DISP2: variants seen among roughly 807,000 people sequenced by gnomAD.
DISP2 encodes the protein protein dispatched homolog 2.
A neutral mutation model predicts 95.5 loss-of-function variants in DISP2; 59 were observed. That is an observed-to-expected ratio of 0.62 (90% CI 0.50 to 0.77). The LOEUF (loss-of-function observed/expected upper bound fraction) is 0.77. Among genes scored for constraint, DISP2 ranks in the 30% least tolerant of loss-of-function variants. The pLI, the probability that DISP2 is intolerant of heterozygous loss-of-function variation, is 0.00. For synonymous variants in DISP2, 827 were observed against 815.0 expected (o/e 1.01, Z -0.25); for missense variants, 1,752 against 1,854.6 (o/e 0.94, Z 1.02).
chr15:40,364,017 G>A lies in DISP2; in HGVS notation c.449+63G>A. The stretch of plus-strand genomic sequence containing the variant: ...AAAATGCGGTGGGGCTTAAGAGTGG[G>A]GCAGACTGCCGGGGCTCTAGACTCC... On this transcript the variant is annotated intron_variant, in intron 2 of 7. Transcript: ENST00000267889. 11 of 1,506,672 alleles carry A rather than the reference G, an allele frequency of 7.3e-6. No individual in the cohort carries two copies. In the South Asian group the frequency reaches 1.2e-4, roughly 16 times the overall value. 93.3% of individuals were successfully genotyped at this position (1,506,672 alleles called of 1,614,324 possible). A position where few individuals can be genotyped will look rare whatever the true frequency, so the allele number is the denominator to read the frequency against.
chr15:40,360,522 G>T (rs1889390336), intron 1 of DISP2, among the ~76,000 whole-genome samples: 1 of 152,108 alleles, frequency 6.6e-6, no homozygotes, highest in African/African-American at 2.4e-5. Context: ...CCCTGAAGAG[G>T]AATAGTAGGA....
At position 40,369,562 on chromosome 15, in the gene DISP2, G is replaced by A. The variant is rs764360514; in HGVS notation, c.3450G>A (p.Gly1150=). ...GGEKAGRPRP[G]SVGGMPGSCS... is the part of the protein sequence containing the mutation. ...AGAAGGCAGGCCGCCCACGACCAGG[G>A]TCAGTGGGAGGGATGCCCGGGTCCT... The change falls in exon 8 of 8, where the codon GGG becomes GGA. Residue 1150 remains glycine (G), a synonymous_variant. Transcript: ENST00000267889. The A allele has an allele frequency of 5.6e-6, 9 of 1,612,384 alleles. No individual in the cohort carries two copies. The highest frequency in any genetic ancestry group is 7.6e-6 in the Non-Finnish European group (9 of 1,180,006).
At position 40,369,779 on chromosome 15, in the gene DISP2, G is replaced by A. The variant is rs1889601916; in HGVS notation, c.3667G>A (p.Ala1223Thr). 6.2e-7 allele frequency: 1 copy of A among 1,604,618 alleles called. No homozygotes were observed. Residue 1223 changes from alanine to threonine, a missense_variant, in exon 8 of 8, where the codon GCA becomes ACA. Transcript: ENST00000267889. Reference sequence around the variant, plus strand: ...AAGGGAGCTGCTGCTGGACCACCAGGCAGTCTTCAGCCAGTGCCCTGCCCT... The same window carrying A: ...AAGGGAGCTGCTGCTGGACCACCAGACAGTCTTCAGCCAGTGCCCTGCCCT... ...SPRELLLDHQ[A>T]VFSQCPALQT...
At chr15:40,359,262 G>A (rs1203272022) in intron 1 of DISP2, among the ~76,000 whole-genome samples, 1 of 152,202 alleles carries the variant, frequency 6.6e-6, no homozygotes, top group African/African-American at 2.4e-5. Context: ...TTCCTGCCTG[G>A]ACTGAAATAA....
In DISP2 at chr15:40,363,610, C is replaced by T. The variant is rs375408757; in HGVS notation, c.120-15C>T. The T allele has an allele frequency of 3.3e-6, 5 of 1,504,464 alleles. No homozygotes were observed. In the African/African-American group the frequency reaches 5.6e-5, roughly 17 times the overall value. The allele number at this position is 1,504,464 out of a possible 1,614,324, so 93.2% of individuals were successfully genotyped here. ...CATCCCCCACCCCAATCTTCCTTGT[C>T]TCCTCTCTTCCTAGCACCCAGACCA... On this transcript the variant is annotated splice_polypyrimidine_tract_variant and intron_variant, in intron 1 of 7. Transcript: ENST00000267889.
rs1454691256 is a variant in DISP2 at position 40,373,828 on chromosome 15, A to T, written c.*3510A>T. On this transcript the variant is annotated 3_prime_UTR_variant, in exon 8 of 8. Coordinates refer to ENST00000267889, the MANE Select transcript of DISP2 (RefSeq NM_033510.3). Reference sequence around the variant, plus strand: ...AAACCATCCTGGCTAACATGGTGAAACCCCGTCTCTACTAAAAATACAAAA... The same window carrying T: ...AAACCATCCTGGCTAACATGGTGAATCCCCGTCTCTACTAAAAATACAAAA... 1 of 150,706 alleles carries T rather than the reference A, an allele frequency of 6.6e-6. No individual in the cohort carries two copies. The highest frequency in any genetic ancestry group is 1.5e-5 in the Non-Finnish European group (1 of 67,764). The allele number at this position is 150,706 out of a possible 1,614,324, so 9.3% of individuals were successfully genotyped here.
chr15:40,370,455 C>A lies in DISP2; in HGVS notation c.*137C>A. 1 of 1,348,514 alleles carries A rather than the reference C, an allele frequency of 7.4e-7. No homozygotes were observed. Among genetic ancestry groups the A allele is most frequent in the Non-Finnish European group, 1.0e-6 (1 of 1,003,888 alleles). The allele number at this position is 1,348,514 out of a possible 1,614,324, so 83.5% of individuals were successfully genotyped here. ...TCACCCTCCAGCTGTGGATGTTAAA[C>A]CCTGCCAGATGTCCCAGCCTTGATC... On this transcript the variant is annotated 3_prime_UTR_variant, in exon 8 of 8. Transcript: ENST00000267889.
At position 40,364,113 on chromosome 15, in the gene DISP2, G is replaced by A. The variant is rs1889453500; in HGVS notation, c.450-113G>A. ...TTGGGAGTGGCAAAGCGCTAAAAGGGTTAATACCATGGGTTATCCCTCACC... is the reference window on the plus strand; with the variant it reads ...TTGGGAGTGGCAAAGCGCTAAAAGGATTAATACCATGGGTTATCCCTCACC... On this transcript the variant is annotated intron_variant, in intron 2 of 7. Transcript: ENST00000267889. 3.9e-6 allele frequency: 6 copies of A among 1,547,204 alleles called. No homozygotes were observed. The East Asian group carries it at 1.3e-4, about 35-fold the overall frequency.
chr15:40,377,590 C>G lies in DISP2; in HGVS notation c.*7272C>G, dbSNP rs1889748082. On this transcript the variant is annotated 3_prime_UTR_variant, in exon 8 of 8. Transcript: ENST00000267889. The stretch of plus-strand genomic sequence containing the variant: ...GAGAACCCAGGCAAAGCAAGTGACT[C>G]TGAGGTGAGGGGATAGCTGGGAGTG... 6.6e-6 allele frequency: 1 copy of G among 152,382 alleles called. No homozygotes were observed. The highest frequency in any genetic ancestry group is 1.5e-5 in the Non-Finnish European group (1 of 68,186). 9.4% of individuals were successfully genotyped at this position (152,382 alleles called of 1,614,324 possible).
At position 40,369,741 on chromosome 15, in the gene DISP2, C is replaced by A; in HGVS notation, c.3629C>A (p.Ala1210Asp). The A allele has an allele frequency of 6.2e-7, 1 of 1,609,212 alleles. No homozygotes were observed. Among genetic ancestry groups the A allele is most frequent in the Non-Finnish European group, 8.5e-7 (1 of 1,179,192 alleles). Residue 1210 changes from alanine to aspartate, a missense_variant, in exon 8 of 8, where the codon GCC (alanine) becomes GAC (aspartate). Physicochemically the swap from Ala to Asp is moderately radical, Grantham distance 126. This residue lies in a region of DISP2 where 347 missense variants were observed against 344.2 expected (regional missense o/e 1.01). Transcript: ENST00000267889. The stretch of plus-strand genomic sequence containing the variant: ...CCGTGCTGTTCCCGGCCCCCACCAG[C>A]CCCTGCCTCCCCAAGGGAGCTGCTG... ...DGPCCSRPPP[A>D]PASPRELLLD...
Position 40,368,500 on chromosome 15 carries a change from G to A in DISP2, c.2388G>A (p.Val796=), listed in dbSNP as rs1381118749. 1 of 1,607,722 alleles carries A rather than the reference G, an allele frequency of 6.2e-7. No homozygotes were observed. Among genetic ancestry groups the A allele is most frequent in the Non-Finnish European group, 8.5e-7 (1 of 1,179,914 alleles). Residue 796 remains valine (V), a synonymous_variant, in exon 8 of 8, where the codon GTG becomes GTA. Coordinates refer to ENST00000267889, the MANE Select transcript of DISP2 (RefSeq NM_033510.3). The part of the protein sequence containing the change: ...PLDPRSNSSL[V]RDPAFSASGP... Reference sequence around the variant, plus strand: ...ACCCTCGTAGCAACAGCAGCCTGGTGAGGGACCCTGCCTTCTCGGCCAGCG... The same window carrying A: ...ACCCTCGTAGCAACAGCAGCCTGGTAAGGGACCCTGCCTTCTCGGCCAGCG...
At position 40,363,668 on chromosome 15, in the gene DISP2, A is replaced by G; in HGVS notation, c.163A>G (p.Ser55Gly). ...AVPPEASPER[S>G]CSLHSCPLED... is the part of the protein sequence containing the mutation. ...GCCCCCTGAGGCAAGCCCAGAGAGA[A>G]GCTGCTCCCTCCACAGCTGCCCCCT... Residue 55 changes from serine (S) to glycine (G), a missense_variant, in exon 2 of 8, where the codon AGC becomes GGC. Ser to Gly is a moderately conservative substitution (Grantham distance 56). Around this residue, in one of 5 missense-constraint regions of DISP2, gnomAD observed 342 missense variants for 364.3 expected, o/e 0.94. Transcript: ENST00000267889. The G allele has an allele frequency of 1.3e-6, 2 of 1,578,660 alleles. No homozygotes were observed. Among genetic ancestry groups the G allele is most frequent in the Non-Finnish European group, 1.7e-6 (2 of 1,162,072 alleles).
chr15:40,369,080 C>T lies in DISP2; in HGVS notation c.2968C>T (p.Leu990=), dbSNP rs139018927. The T allele has an allele frequency of 4.8e-5, 78 of 1,614,096 alleles. No individual in the cohort carries two copies. The highest frequency in any genetic ancestry group is 6.4e-5 in the Non-Finnish European group (76 of 1,180,054). Residue 990 remains leucine (L), a synonymous_variant, in exon 8 of 8, where the codon CTA becomes TTA. Coordinates refer to ENST00000267889, the MANE Select transcript of DISP2 (RefSeq NM_033510.3). The part of the protein sequence containing the change: ...LLGTWNVPLS[L]FSVAAVAGTV... ...GGGCACCTGGAATGTTCCCCTCAGC[C>T]TATTCTCCGTGGCAGCTGTGGCAGG... is the stretch of plus-strand genomic sequence containing the variant.
In DISP2 at chr15:40,367,162, C is replaced by T; in HGVS notation, c.1050C>T (p.Arg350=). ...ACTATCTGGCTGTGCTCTCCAACCG[C>T]TCCTCCTGCCTGGACACTACCCAAG... ...LGNYLAVLSN[R]SSCLDTTQAD... is the part of the protein sequence containing the mutation. The change falls in exon 8 of 8, where the codon CGC becomes CGT. Residue 350 remains arginine (R), a synonymous_variant. Coordinates refer to ENST00000267889, the MANE Select transcript of DISP2 (RefSeq NM_033510.3). The T allele has an allele frequency of 6.2e-6, 10 of 1,614,064 alleles. No homozygotes were observed. The highest frequency in any genetic ancestry group is 7.6e-6 in the Non-Finnish European group (9 of 1,180,036).
rs2141262441 is a variant in DISP2 at position 40,368,031 on chromosome 15, C to G, written c.1919C>G (p.Ser640Cys). Residue 640 changes from serine (S) to cysteine (C), a missense_variant, in exon 8 of 8, where the codon TCC becomes TGC. By Grantham distance (112) the Ser-to-Cys change is moderately radical. Around this residue, in one of 5 missense-constraint regions of DISP2, gnomAD observed 732 missense variants for 714.6 expected, o/e 1.02. Transcript: ENST00000267889. ...CTCACGCTGGTCTGGCTGCCCGCCTCCGCCGTGCTCCACGAGCGCTACCTG... is the reference window on the plus strand; with the variant it reads ...CTCACGCTGGTCTGGCTGCCCGCCTGCGCCGTGCTCCACGAGCGCTACCTG... ...LALTLVWLPA[S>C]AVLHERYLAR... 1 of 1,531,466 alleles carries G rather than the reference C, an allele frequency of 6.5e-7. No homozygotes were observed. Among genetic ancestry groups the G allele is most frequent in the East Asian group, 2.5e-5 (1 of 40,726 alleles). The allele number at this position is 1,531,466 out of a possible 1,614,324, so 94.9% of individuals were successfully genotyped here.
In DISP2 at chr15:40,368,088, G is replaced by C. The variant is rs1268317478; in HGVS notation, c.1976G>C (p.Arg659Pro). The C allele has an allele frequency of 1.4e-5, 19 of 1,378,012 alleles. No homozygotes were observed. Among genetic ancestry groups the C allele is most frequent in the Middle Eastern group, 2.6e-4 (1 of 3,910 alleles). The allele number at this position is 1,378,012 out of a possible 1,614,324, so 85.4% of individuals were successfully genotyped here. ...GGCTGTGCGCGCCGGGCGCGGGGCC[G>C]GTGGGAGGGCAGCGCGCCCCGGCGG... ...ARGCARRARGRWEGSAPRRLL... is the reference protein window; with the variant it reads ...ARGCARRARGPWEGSAPRRLL... The change falls in exon 8 of 8, where the codon CGG becomes CCG. Residue 659 changes from arginine (R) to proline (P), a missense_variant. Around this residue, in one of 5 missense-constraint regions of DISP2, gnomAD observed 732 missense variants for 714.6 expected, o/e 1.02. Coordinates refer to ENST00000267889, the MANE Select transcript of DISP2 (RefSeq NM_033510.3).
chr15:40,369,609 A>G lies in DISP2; in HGVS notation c.3497A>G (p.Gln1166Arg), dbSNP rs573660006. The G allele has an allele frequency of 1.9e-6, 3 of 1,611,664 alleles. No individual in the cohort carries two copies. The South Asian group carries it at 3.3e-5, about 18-fold the overall frequency. The change falls in exon 8 of 8, where the codon CAG becomes CGG. Residue 1166 changes from glutamine (Q) to arginine (R), a missense_variant. Gln to Arg is a conservative substitution (Grantham distance 43, BLOSUM62 1). Transcript: ENST00000267889. ...PGSCSEQYEL[Q>R]PLARRRSPSF... ...TCCTGCTCAGAGCAATATGAGCTAC[A>G]GCCCCTGGCACGGCGTCGGAGCCCC... is the stretch of plus-strand genomic sequence containing the variant.
At chr15:40,366,388 G>T (rs1446170018) in intron 7 of DISP2, among the ~76,000 whole-genome samples, 2 of 152,234 alleles carry the variant, frequency 1.3e-5, no homozygotes, top group Non-Finnish European at 2.9e-5. Context: ...AAATGAGATA[G>T]AAGTTGAAAA....
intron 1 of DISP2, among the ~76,000 whole-genome samples, chr15:40,359,724 C>T (rs1889377582): frequency 6.6e-6 from 1 of 152,248 alleles, no homozygotes; most frequent in African/African-American, 2.4e-5. Flanking sequence ...CTGGACTTCT[C>T]CAGAGACCAT....
Sources: gnomAD v4.1 joint callset for allele counts (sites outside exome capture counted in the v4.1 genomes callset) on GRCh38, gnomAD v4.1.1 for gene constraint, gnomAD v4.1.1 regional missense constraint, MANE v1.5 for transcripts, NCBI Gene and HGNC (gene_info 2026-07-23, HGNC 2026-07-21) for gene names.